INTS8: variants seen among roughly 807,000 people sequenced by gnomAD.
The protein encoded by INTS8 is protein kaonashi-1.
A neutral mutation model predicts 138.9 loss-of-function variants in INTS8; 47 were observed. That is an observed-to-expected ratio of 0.34 (90% confidence interval 0.27 to 0.43). The LOEUF (loss-of-function observed/expected upper bound fraction) is 0.43. Ranked by LOEUF, INTS8 falls within the 20% of genes least tolerant of loss-of-function variation. The probability of loss-of-function intolerance (pLI) is 1.00; values close to 1 mark genes in which losing one functional copy is unlikely to be tolerated. For missense variants in INTS8, 996 were observed against 1,173.0 expected (o/e 0.85, Z 2.20); for synonymous variants, 392 against 400.9 (o/e 0.98, Z 0.27).
At chr8:94,858,407 T>A (rs958356610) in intron 15 of INTS8, among the ~76,000 whole-genome samples, 1 of 152,236 alleles carries the variant, frequency 6.6e-6, no homozygotes, top group Non-Finnish European at 1.5e-5. Flanking sequence ...TCTTAAATAT[T>A]GTAATGTCTT....
rs1816802488 is a variant in INTS8, at chr8:94,881,364, A to G, written c.*1130A>G. 2.0e-6 allele frequency: 1 copy of G among 497,924 alleles called. No individual in the cohort carries two copies. Among genetic ancestry groups the G allele is most frequent in the African/African-American group, 2.0e-5 (1 of 51,220 alleles). 30.8% of individuals were successfully genotyped at this position (497,924 alleles called of 1,614,324 possible). A position where few individuals can be genotyped will look rare whatever the true frequency, so the allele number is the denominator to read the frequency against. The stretch of plus-strand genomic sequence containing the variant: ...TAAAGGAAAAACATTGCTATGGTAT[A>G]GACTGTGGTTGGCTTCTATCCAGTA... On this transcript the variant is annotated 3_prime_UTR_variant, in exon 27 of 27. Transcript: ENST00000523731.
At chr8:94,831,930 AT>A (rs1005755864) in intron 5 of INTS8, 61 bp from the exon 6 acceptor site, 17 of 1,344,468 alleles carry the variant, frequency 1.3e-5, no homozygotes, top group Non-Finnish European at 1.5e-5. Flanking sequence ...GACTGTAAAT[AT>A]TTTTGGTTAT....
intron 10 of INTS8, among the ~76,000 whole-genome samples, chr8:94,844,616 GTTATGTCTCATT>G (rs1815262956): frequency 6.6e-6 from 1 of 151,948 alleles, no homozygotes; most frequent in Non-Finnish European, 1.5e-5. Flanking sequence ...GCCCGGCCAT[GTTATGTCTCATT>G]TTTCTATTAT....
chr8:94,853,862 A>C lies in INTS8; in HGVS notation c.1699A>C (p.Arg567=). 1 of 1,611,374 alleles carries C rather than the reference A, an allele frequency of 6.2e-7. No individual in the cohort carries two copies. The highest frequency in any genetic ancestry group is 8.5e-7 in the Non-Finnish European group (1 of 1,177,484). The change falls in exon 14 of 27, where the codon AGA becomes CGA. Residue 567 remains arginine, a synonymous_variant. Coordinates refer to ENST00000523731, the MANE Select transcript of INTS8 (RefSeq NM_017864.4). ...CCTGGGAATTAAAGACAATTTAACA[A>C]GAGATTTGGTTTATATTCTTATGGC... The part of the protein sequence containing the change: ...VILGIKDNLT[R]DLVYILMAKG...
At chr8:94,839,424 G>A (rs932964411) in intron 8 of INTS8, among the ~76,000 whole-genome samples, 6 of 152,108 alleles carry the variant, frequency 3.9e-5, no homozygotes, top group African/African-American at 1.4e-4. Flanking sequence ...CTCAAAATAG[G>A]AATCATGAAA....
intron 26 of INTS8, among the ~76,000 whole-genome samples, chr8:94,878,361 A>G (rs1816641884): frequency 6.6e-6 from 1 of 152,134 alleles, no homozygotes; most frequent in Non-Finnish European, 1.5e-5. Context: ...CTTGAGATAT[A>G]CCAGTGAAGA....
intron 10 of INTS8, among the ~76,000 whole-genome samples, chr8:94,844,911 C>T (rs1426111943): frequency 6.6e-6 from 1 of 151,936 alleles, no homozygotes; most frequent in Non-Finnish European, 1.5e-5. Context: ...TGCCACCACG[C>T]CTGGCTAATT....
chr8:94,871,739 C>CTTATAATACATTTACTCCTAGTATTT (rs1816404536), intron 20 of INTS8, 145 bp from the exon 21 acceptor site: 1 of 586,140 alleles, frequency 1.7e-6, no homozygotes, highest in South Asian at 2.2e-5. Context: ...GTTGATAGTT[C>CTTATAATACATTTACTCCTAGTATTT]TTATAATACA....
rs937929119 is a variant in INTS8 at position 94,838,695 on chromosome 8, T to C, written c.1017+77T>C. On this transcript the variant is annotated intron_variant, in intron 8 of 26. Coordinates refer to ENST00000523731, the MANE Select transcript of INTS8 (RefSeq NM_017864.4). ...AGTTCAAATCCTCGCACCATCCATT[T>C]ACCAGTTACGCGTTTTGGGGCAAGT... 1.2e-5 allele frequency: 15 copies of C among 1,227,304 alleles called. No individual in the cohort carries two copies. The African/African-American group carries it at 1.9e-4, about 16-fold the overall frequency. The allele number at this position is 1,227,304 out of a possible 1,614,324, so 76.0% of individuals were successfully genotyped here.
intron 14 of INTS8, among the ~76,000 whole-genome samples, chr8:94,854,206 G>A (rs1815660571): frequency 7.0e-6 from 1 of 143,532 alleles, no homozygotes; most frequent in Admixed American, 7.0e-5. Flanking sequence ...AGTCCATCTC[G>A]GAAAAAAAAA....
At chr8:94,838,116 G>A (rs944551594) in intron 7 of INTS8, among the ~76,000 whole-genome samples, 5 of 148,580 alleles carry the variant, frequency 3.4e-5, no homozygotes, top group African/African-American at 1.2e-4. Context: ...GCGCCTTCTC[G>A]GCTCACTGCA....
chr8:94,867,192 T>G lies in INTS8; in HGVS notation c.2348T>G (p.Val783Gly), dbSNP rs761905413. ...ILSLFVKLHN[V>G]REDIVNDITA... ...TCACTCTTTGTGAAACTTCACAATG[T>G]TCGGGTAAGTATTTCATAATTTCAT... The change falls in exon 19 of 27, where the codon GTT (valine) becomes GGT (glycine). Residue 783 changes from valine to glycine, a missense_variant. Val to Gly is a moderately radical substitution (Grantham distance 109). Coordinates refer to ENST00000523731, the MANE Select transcript of INTS8 (RefSeq NM_017864.4). 3 of 1,608,996 alleles carry G rather than the reference T, an allele frequency of 1.9e-6. No individual in the cohort carries two copies. Among genetic ancestry groups the G allele is most frequent in the Admixed American group, 1.7e-5 (1 of 59,636 alleles).
Position 94,881,485 on chromosome 8 carries a change from A to C in INTS8, c.*1251A>C. 1 of 698,136 alleles carries C rather than the reference A, an allele frequency of 1.4e-6. No homozygotes were observed. The highest frequency in any genetic ancestry group is 2.4e-6 in the Non-Finnish European group (1 of 419,486). 43.2% of individuals were successfully genotyped at this position (698,136 alleles called of 1,614,324 possible). A position where few individuals can be genotyped will look rare whatever the true frequency, so the allele number is the denominator to read the frequency against. The stretch of plus-strand genomic sequence containing the variant: ...AAATGTATTCTTTAGTGCCAATTGT[A>C]AGTTTTAAAATCAGAATGGCAGTGT... On this transcript the variant is annotated 3_prime_UTR_variant, in exon 27 of 27. Transcript: ENST00000523731.
intron 1 of INTS8, among the ~76,000 whole-genome samples, chr8:94,824,232 T>A (rs1217508064): frequency 6.6e-6 from 1 of 152,190 alleles, no homozygotes; most frequent in Non-Finnish European, 1.5e-5. Flanking sequence ...CGGATAGCAT[T>A]TCTCTAAATT....
Position 94,848,013 on chromosome 8 carries a change from C to CTTTTTTTTTTTTTTTTTTTTTTTTTT in INTS8, c.1261-1436_1261-1435insTTTTTTTTTTTTTTTTTTTTTTTTTT, listed in dbSNP as rs58388097. Among the ~76,000 whole-genome samples the CTTTTTTTTTTTTTTTTTTTTTTTTTT allele has an allele frequency of 5.4e-5, 7 of 130,012 alleles. 1 individual carries two copies. Among genetic ancestry groups the CTTTTTTTTTTTTTTTTTTTTTTTTTT allele is most frequent in the Non-Finnish European group, 5.0e-5 (3 of 60,442 alleles). 85.3% of individuals were successfully genotyped at this position (130,012 alleles called of 152,430 possible). On this transcript the variant is annotated intron_variant, in intron 10 of 26. Coordinates refer to ENST00000523731, the MANE Select transcript of INTS8 (RefSeq NM_017864.4). Reference sequence around the variant, plus strand: ...TGAACATAGCACTTTTAAAACACTGCTTTTTTTTTTTTTGAGATGGAGTCT... The same window carrying CTTTTTTTTTTTTTTTTTTTTTTTTTT: ...TGAACATAGCACTTTTAAAACACTGCTTTTTTTTTTTTTTTTTTTTTTTTTTTTTTTTTTTTTTTGAGATGGAGTCT...
intron 10 of INTS8, among the ~76,000 whole-genome samples, chr8:94,845,149 C>A (rs561970022): frequency 2.9e-4 from 44 of 152,054 alleles, no homozygotes; most frequent in African/African-American, 1.1e-3. Context: ...TTTAAGAAAG[C>A]TTTTTCCTAT....
chr8:94,857,890 CTA>C (rs1433815707), intron 15 of INTS8, among the ~76,000 whole-genome samples: 2 of 152,216 alleles, frequency 1.3e-5, no homozygotes, highest in Admixed American at 6.5e-5. Context: ...ACTAGAGAAA[CTA>C]TATTGCAATG....
intron 8 of INTS8, among the ~76,000 whole-genome samples, chr8:94,839,925 A>T (rs1397365367): frequency 6.6e-6 from 1 of 152,010 alleles, no homozygotes. Context: ...AAACAAAAAA[A>T]CCTCTCTGGA....
intron 16 of INTS8, chr8:94,859,961 A>G (rs1815892668): frequency 5.5e-6 from 1 of 180,398 alleles, no homozygotes; most frequent in Non-Finnish European, 1.2e-5. Flanking sequence ...GGAGTCCGTC[A>G]GGGATGCACT....
Sources: allele counts gnomAD v4.1 joint callset (sites outside exome capture counted in the v4.1 genomes callset), GRCh38; gene constraint gnomAD v4.1.1; transcripts MANE v1.5; gene names NCBI Gene and HGNC (gene_info 2026-07-23, HGNC 2026-07-21).